The following EFCAB6 variants were observed in gnomAD, a reference collection of about 807,000 sequenced individuals.
EFCAB6 encodes the protein EF-hand calcium-binding domain-containing protein 6.
Under a neutral mutation model 169.8 loss-of-function variants are expected in EFCAB6, and 156 were observed. The ratio of observed to expected loss-of-function variants is 0.92; its 90% confidence interval spans 0.81 to 1.05. EFCAB6 has a LOEUF of 1.05. Among genes scored for constraint, EFCAB6 ranks in the 50% least tolerant of loss-of-function variants. The pLI, the probability that EFCAB6 is intolerant of heterozygous loss-of-function variation, is 0.00. For missense variants in EFCAB6, 1,800 were observed against 1,829.1 expected (o/e 0.98, Z 0.29); for synonymous variants, 698 against 676.4 (o/e 1.03, Z -0.50).
intron 21 of EFCAB6, among the ~76,000 whole-genome samples, chr22:43,615,454 A>C (rs2147712296): frequency 6.6e-6 from 1 of 152,318 alleles, no homozygotes; most frequent in African/African-American, 2.4e-5. Flanking sequence ...ATTAAGTACA[A>C]CAGCATCTTA....
chr22:43,705,485 G>A (rs1018954735), intron 10 of EFCAB6, among the ~76,000 whole-genome samples: 1 of 152,084 alleles, frequency 6.6e-6, no homozygotes, highest in African/African-American at 2.4e-5. Context: ...CACAAGACAA[G>A]TCTTAGCACA....
intron 24 of EFCAB6, among the ~76,000 whole-genome samples, chr22:43,589,121 G>C (rs561239029): frequency 2.6e-5 from 4 of 151,808 alleles, no homozygotes; most frequent in Admixed American, 2.6e-4. Context: ...CTGTCACTTA[G>C]AAGTAGGGAC....
chr22:43,705,640 TAAC>T (rs947123268), intron 10 of EFCAB6, among the ~76,000 whole-genome samples: 5 of 151,818 alleles, frequency 3.3e-5, no homozygotes, highest in African/African-American at 9.7e-5. Flanking sequence ...AGATAATAAA[TAAC>T]AACAAACAAT....
intron 8 of EFCAB6, among the ~76,000 whole-genome samples, chr22:43,729,720 A>T (rs1212071169): frequency 1.3e-5 from 2 of 152,234 alleles, no homozygotes; most frequent in African/African-American, 4.8e-5. Context: ...CAAGATGATA[A>T]ACCAACAAAA....
chr22:43,531,048 C>T (rs2047031875), intron 30 of EFCAB6, 84 bp from the exon 31 acceptor site: 9 of 1,570,932 alleles, frequency 5.7e-6, no homozygotes, highest in Non-Finnish European at 6.9e-6. Context: ...GCCCCCGCCT[C>T]GCCCAGCCCT....
intron 2 of EFCAB6, among the ~76,000 whole-genome samples, chr22:43,803,051 A>G (rs527270487): frequency 6.6e-5 from 10 of 152,352 alleles, no homozygotes; most frequent in Admixed American, 5.2e-4. Flanking sequence ...CCACTTTAGC[A>G]TGAAAGCCTT....
At chr22:43,737,207 A>G (rs1413451504) in intron 6 of EFCAB6, among the ~76,000 whole-genome samples, 1 of 152,066 alleles carries the variant, frequency 6.6e-6, no homozygotes, top group Non-Finnish European at 1.5e-5. Flanking sequence ...TGAGACCATT[A>G]ACTCCAGCAG....
chr22:43,599,098 G>A (rs564373100), intron 23 of EFCAB6, among the ~76,000 whole-genome samples: 78 of 152,260 alleles, frequency 5.1e-4, no homozygotes, highest in Middle Eastern at 3.4e-3. Context: ...AAAACGTAAT[G>A]GCCTGTTAGC....
chr22:43,589,525 C>T (rs999066585), intron 24 of EFCAB6, among the ~76,000 whole-genome samples: 3 of 152,036 alleles, frequency 2.0e-5, no homozygotes, highest in Non-Finnish European at 2.9e-5. Flanking sequence ...CAGTGGCTCA[C>T]GCCTATAATC....
intron 4 of EFCAB6, among the ~76,000 whole-genome samples, chr22:43,769,757 A>G (rs2061413198): frequency 6.6e-6 from 1 of 152,144 alleles, no homozygotes; most frequent in South Asian, 2.1e-4. Flanking sequence ...TGAGGAGGGC[A>G]TCATCATAGT....
intron 20 of EFCAB6, among the ~76,000 whole-genome samples, chr22:43,619,717 T>C (rs1756237255): frequency 6.6e-6 from 1 of 151,734 alleles, no homozygotes; most frequent in Admixed American, 6.6e-5. Context: ...AAAATAAAAA[T>C]AACATAGTCT....
intron 23 of EFCAB6, among the ~76,000 whole-genome samples, chr22:43,594,717 G>A (rs1190235166): frequency 6.6e-6 from 1 of 152,148 alleles, no homozygotes; most frequent in African/African-American, 2.4e-5. Flanking sequence ...TCAGCAATGG[G>A]CAGATCATCC....
chr22:43,675,110 G>A (rs965047349), intron 13 of EFCAB6, among the ~76,000 whole-genome samples: 3 of 150,474 alleles, frequency 2.0e-5, no homozygotes, highest in Admixed American at 1.3e-4. Context: ...AGATCACAAG[G>A]CCTTAAGAAT....
intron 17 of EFCAB6, among the ~76,000 whole-genome samples, chr22:43,658,573 G>A (rs1289331205): frequency 6.6e-6 from 1 of 152,300 alleles, no homozygotes; most frequent in East Asian, 1.9e-4. Flanking sequence ...CAGGGAGAAA[G>A]GCCCTGAGAA....
At chr22:43,636,282 G>A (rs780839429) in intron 17 of EFCAB6, among the ~76,000 whole-genome samples, 6 of 152,200 alleles carry the variant, frequency 3.9e-5, no homozygotes, top group African/African-American at 1.4e-4. Flanking sequence ...AGTTCCAGGT[G>A]GTGGAGCAGT....
At chr22:43,641,572 C>T (rs986746620) in intron 17 of EFCAB6, among the ~76,000 whole-genome samples, 7 of 150,502 alleles carry the variant, frequency 4.7e-5, no homozygotes, top group African/African-American at 1.2e-4. Context: ...GCTGACATTG[C>T]GCCTTTACAC....
At chr22:43,602,354 G>A (rs554470651) in intron 22 of EFCAB6, among the ~76,000 whole-genome samples, 46 of 152,322 alleles carry the variant, frequency 3.0e-4, no homozygotes, top group African/African-American at 1.0e-3. Flanking sequence ...TGCAGTTCCC[G>A]AGGCTTCTCT....
intron 3 of EFCAB6, among the ~76,000 whole-genome samples, chr22:43,779,288 G>A (rs1025329094): frequency 6.6e-6 from 1 of 152,144 alleles, no homozygotes; most frequent in African/African-American, 2.4e-5. Flanking sequence ...AGGAAACAGT[G>A]TGTCTAATAT....
rs921088196 is a variant in EFCAB6 at position 43,628,305 on chromosome 22, A to G, written c.2233-1626T>C. ...CTCGCTTCCTCTCACACCCACATCC[A>G]GTCTGCCCACACATCCCGCTGGCTC... On this transcript the variant is annotated intron_variant, in intron 19 of 31. Coordinates refer to ENST00000262726, the MANE Select transcript of EFCAB6 (RefSeq NM_022785.4). The surrounding 1 kb of genome is among the most constrained non-coding windows in gnomAD (Gnocchi z 4.8). Among the ~76,000 whole-genome samples, 1 of 151,938 alleles carries G rather than the reference A, an allele frequency of 6.6e-6. No homozygotes were observed. Among genetic ancestry groups the G allele is most frequent in the Non-Finnish European group, 1.5e-5 (1 of 67,978 alleles).
Sources: gnomAD v4.1 joint callset for allele counts (sites outside exome capture counted in the v4.1 genomes callset) on GRCh38, gnomAD v4.1.1 for gene constraint, Gnocchi (gnomAD v3.1) non-coding constraint, MANE v1.5 for transcripts, NCBI Gene and HGNC (gene_info 2026-07-23, HGNC 2026-07-21) for gene names.